Variants in SCN9A observed in about 807,000 individuals in gnomAD.
The protein encoded by SCN9A is sodium voltage-gated channel alpha subunit 9, also known as sodium channel protein type 9 subunit alpha.
In SCN9A, 131 loss-of-function variants were observed where a neutral mutation model predicts 187.0. That is an observed-to-expected ratio of 0.70 (90% CI 0.61 to 0.81). SCN9A has a LOEUF of 0.81. Ranked by LOEUF, SCN9A falls within the 30% of genes least tolerant of loss-of-function variation. The pLI is 0.00. For missense variants in SCN9A, 2,252 were observed against 2,396.6 expected (o/e 0.94, Z 1.26); for synonymous variants, 809 against 808.6 (o/e 1.00, Z -0.01).
intron 1 of SCN9A, among the ~76,000 whole-genome samples, chr2:166,350,193 T>G (rs1700001993): frequency 1.3e-5 from 2 of 152,198 alleles, no homozygotes; most frequent in Admixed American, 1.3e-4. Flanking sequence ...ATTCTATGAT[T>G]CTATTATTCC....
chr2:166,198,872 C>G lies in SCN9A; in HGVS notation c.5767G>C (p.Asp1923His), dbSNP rs1329683586. The change falls in exon 27 of 27, where the codon GAT (aspartate) becomes CAT (histidine). Residue 1923 changes from aspartate to histidine, a missense_variant. Around this residue, in one of 7 missense-constraint regions of SCN9A, gnomAD observed 345 missense variants for 344.6 expected, o/e 1.00. Transcript: ENST00000642356. ...SSIYIKDGDR[D>H]DDLLNKKDMA... ...TCTTTTTTATTGAGTAAATCATCAT[C>G]TCTGTCTCCATCTTTTATGTATATA... The G allele has an allele frequency of 1.2e-6, 2 of 1,613,804 alleles. No homozygotes were observed. The highest frequency in any genetic ancestry group is 2.2e-5 in the South Asian group (2 of 91,078).
chr2:166,322,575 A>T (rs1412849719), intron 1 of SCN9A, among the ~76,000 whole-genome samples: 1 of 152,154 alleles, frequency 6.6e-6, no homozygotes, highest in African/African-American at 2.4e-5. Flanking sequence ...CATAATGAAC[A>T]CGTATTCATG....
Position 166,226,700 on chromosome 2 carries a change from T to C in SCN9A, c.4265A>G (p.Asp1422Gly). The part of the protein sequence containing the change: ...MYAAVDSVNV[D>G]KQPKYEYSLY... ...GCTATATTCATATTTGGGCTGCTTG[T>C]CTACCTATAAAATTTACAAAAGTTA... Residue 1422 changes from aspartate to glycine, a missense_variant, in exon 24 of 27, where the codon GAC becomes GGC. Physicochemically the swap from Asp to Gly is moderately conservative, Grantham distance 94. Transcript: ENST00000642356. 6.4e-7 allele frequency: 1 copy of C among 1,558,942 alleles called. No homozygotes were observed. The highest frequency in any genetic ancestry group is 8.6e-7 in the Non-Finnish European group (1 of 1,157,146).
rs534835345 is a variant in SCN9A, at chr2:166,286,733, T to G, written c.1315-110A>C. On this transcript the variant is annotated intron_variant, in intron 10 of 26. Transcript: ENST00000642356. ...CATAACAACATGGTGCATATAATCA[T>G]GTCCTTTAAACATGAAATGATCGTT... The G allele has an allele frequency of 7.8e-5, 58 of 742,394 alleles. No homozygotes were observed. The African/African-American group carries it at 9.8e-4, about 13-fold the overall frequency. 46.0% of individuals were successfully genotyped at this position (742,394 alleles called of 1,614,324 possible). A position where few individuals can be genotyped will look rare whatever the true frequency, so the allele number is the denominator to read the frequency against.
intron 9 of SCN9A, among the ~76,000 whole-genome samples, chr2:166,291,179 G>T (rs866605346): frequency 1.3e-5 from 2 of 152,022 alleles, no homozygotes; most frequent in African/African-American, 4.8e-5. Context: ...TAGAAAACCC[G>T]ATCATCTCAG....
At chr2:166,215,829 A>C (rs986921391) in intron 24 of SCN9A, among the ~76,000 whole-genome samples, 1 of 151,756 alleles carries the variant, frequency 6.6e-6, no homozygotes, top group Non-Finnish European at 1.5e-5. Flanking sequence ...TTAAAGAAGT[A>C]ATATGAATTC....
chr2:166,323,741 T>C (rs1476624338), intron 1 of SCN9A, among the ~76,000 whole-genome samples: 1 of 152,094 alleles, frequency 6.6e-6, no homozygotes, highest in Admixed American at 6.5e-5. Context: ...ATTATGTCCA[T>C]ATAATTTTGT....
chr2:166,340,277 C>T (rs1009827891), intron 1 of SCN9A, among the ~76,000 whole-genome samples: 2 of 152,126 alleles, frequency 1.3e-5, no homozygotes, highest in Non-Finnish European at 2.9e-5. Context: ...GCCATTTTAA[C>T]ATTGACATAT....
intron 9 of SCN9A, among the ~76,000 whole-genome samples, chr2:166,292,203 A>G (rs1389225086): frequency 6.6e-6 from 1 of 152,182 alleles, no homozygotes; most frequent in African/African-American, 2.4e-5. Context: ...AGAATCTACA[A>G]GTAACTTAAA....
At position 166,199,503 on chromosome 2, in the gene SCN9A, T is replaced by G; in HGVS notation, c.5136A>C (p.Pro1712=). The G allele has an allele frequency of 6.2e-7, 1 of 1,614,186 alleles. No homozygotes were observed. The highest frequency in any genetic ancestry group is 1.3e-5 in the African/African-American group (1 of 75,060). ...GLLAPILNSK[P]PDCDPKKVHP... The stretch of plus-strand genomic sequence containing the variant: ...GAACTTTTTTTGGGTCACAGTCGGG[T>G]GGCTTACTGTTAAGAATAGGTGCTA... The change falls in exon 27 of 27, where the codon CCA becomes CCC. Residue 1712 remains proline (P), a synonymous_variant. Coordinates refer to ENST00000642356, the MANE Select transcript of SCN9A (RefSeq NM_001365536.1).
intron 17 of SCN9A, among the ~76,000 whole-genome samples, chr2:166,266,642 T>C (rs947919205): frequency 6.6e-6 from 1 of 151,668 alleles, no homozygotes; most frequent in African/African-American, 2.4e-5. Flanking sequence ...AACCTGTAGA[T>C]TGCTTTGGGT....
At chr2:166,351,394 G>A (rs1700030018) in intron 1 of SCN9A, among the ~76,000 whole-genome samples, 1 of 152,120 alleles carries the variant, frequency 6.6e-6, no homozygotes, top group Admixed American at 6.6e-5. Context: ...GTGAAAACAT[G>A]TTTCTTTTTC....
chr2:166,341,724 T>C (rs1038307086), intron 1 of SCN9A, among the ~76,000 whole-genome samples: 2 of 152,208 alleles, frequency 1.3e-5, no homozygotes, highest in Non-Finnish European at 2.9e-5. Context: ...GTTGCTATTA[T>C]ATTACTTTTG....
chr2:166,232,514 C>G (rs571530465), intron 21 of SCN9A, among the ~76,000 whole-genome samples: 1 of 152,122 alleles, frequency 6.6e-6, no homozygotes, highest in South Asian at 2.1e-4. Context: ...ATTTGAACAC[C>G]TGATATAAGT....
chr2:166,307,086 A>G lies in SCN9A; in HGVS notation c.259-12T>C. On this transcript the variant is annotated splice_polypyrimidine_tract_variant and intron_variant, in intron 2 of 26. Coordinates refer to ENST00000642356, the MANE Select transcript of SCN9A (RefSeq NM_001365536.1). ...AATACTATGAAAGTCTGCAGGAGGA[A>G]AAAGAAAGGATGAAATTGAGAATCC... 1 of 1,443,208 alleles carries G rather than the reference A, an allele frequency of 6.9e-7. No homozygotes were observed. The highest frequency in any genetic ancestry group is 9.7e-7 in the Non-Finnish European group (1 of 1,029,394). The allele number at this position is 1,443,208 out of a possible 1,614,324, so 89.4% of individuals were successfully genotyped here. A position where few individuals can be genotyped will look rare whatever the true frequency, so the allele number is the denominator to read the frequency against.
At chr2:166,265,166 T>C (rs1350022392) in intron 17 of SCN9A, among the ~76,000 whole-genome samples, 1 of 151,892 alleles carries the variant, frequency 6.6e-6, no homozygotes, top group Non-Finnish European at 1.5e-5. Flanking sequence ...TTATTCTTTC[T>C]ATCTCACTGT....
chr2:166,280,618 A>G (rs1186004535), intron 13 of SCN9A, 23 bp from the exon 14 acceptor site: 1 of 1,364,084 alleles, frequency 7.3e-7, no homozygotes, highest in East Asian at 2.5e-5. Context: ...AGCAGAGAAC[A>G]TGGAGTCAGC....
chr2:166,298,856 A>G (rs1254148619), intron 7 of SCN9A: 1 of 152,210 alleles, frequency 6.6e-6, no homozygotes, highest in Non-Finnish European at 1.5e-5. Context: ...GTAATCTCCA[A>G]CATCAAATTT....
chr2:166,364,808 A>G (rs946065407), intron 1 of SCN9A, among the ~76,000 whole-genome samples: 18 of 152,284 alleles, frequency 1.2e-4, no homozygotes, highest in African/African-American at 3.6e-4. Context: ...TACATTTGAA[A>G]TGGTTAAAAT....
Sources: gnomAD v4.1 joint callset for allele counts (sites outside exome capture counted in the v4.1 genomes callset) on GRCh38, gnomAD v4.1.1 for gene constraint, gnomAD v4.1.1 regional missense constraint, MANE v1.5 for transcripts, NCBI Gene and HGNC (gene_info 2026-07-23, HGNC 2026-07-21) for gene names.